Variants in PARP9 observed in about 807,000 individuals in gnomAD.
The protein encoded by PARP9 is poly(ADP-ribose) polymerase family member 9, also known as protein mono-ADP-ribosyltransferase PARP9.
In PARP9, 48 loss-of-function variants were observed where a neutral mutation model predicts 68.8. The observed-to-expected ratio is 0.70, with a 90% CI of 0.55 to 0.89. PARP9 has a LOEUF of 0.89. PARP9 is among the 40% of genes least tolerant of loss of function. The probability of loss-of-function intolerance (pLI) is 0.00; values close to 1 mark genes in which losing one functional copy is unlikely to be tolerated. For missense variants in PARP9, 806 were observed against 969.3 expected, an observed-to-expected ratio of 0.83 and a Z score of 2.24; for synonymous variants, 309 against 333.8, an observed-to-expected ratio of 0.93 and a Z score of 0.81.
rs79265045 is a variant in PARP9, at chr3:122,530,764, C to T, written c.2081-2021G>A. 6.5e-3 allele frequency among the ~76,000 whole-genome samples: 988 copies of T among 152,222 alleles called. 6 individuals carry two copies. Among genetic ancestry groups the T allele is most frequent in the African/African-American group, 0.021 (890 of 41,544 alleles). ...AACAACAGAAACGTACTATGAGTCACACATGTCGTTTAAAACTTCCAGGCT... is the reference window on the plus strand; with the variant it reads ...AACAACAGAAACGTACTATGAGTCATACATGTCGTTTAAAACTTCCAGGCT... On this transcript the variant is annotated intron_variant, in intron 10 of 10. Transcript: ENST00000682323.
chr3:122,555,073 T>C (rs1048912798), intron 4 of PARP9, among the ~76,000 whole-genome samples: 2 of 152,202 alleles, frequency 1.3e-5, no homozygotes, highest in Non-Finnish European at 2.9e-5. Flanking sequence ...CTGGGTATGT[T>C]GCCTAGGCTG....
intron 10 of PARP9, chr3:122,534,078 A>C (rs1277693552): frequency 1.0e-6 from 1 of 984,554 alleles, no homozygotes; most frequent in Non-Finnish European, 1.2e-6. Flanking sequence ...AGTGGCTGTT[A>C]AGCTAAGGGA....
intron 8 of PARP9, among the ~76,000 whole-genome samples, chr3:122,539,521 T>TTCTTTCTC (rs1425982376): frequency 3.2e-5 from 1 of 31,492 alleles, no homozygotes. Context: ...CTTTCTTTCT[T>TTCTTTCTC]TCTTTCTTTC....
At chr3:122,545,767 T>A (rs912889508) in intron 6 of PARP9, 1 of 407,432 alleles carries the variant, frequency 2.5e-6, no homozygotes, top group Non-Finnish European at 4.4e-6. Flanking sequence ...AACCGTGCAT[T>A]CATTCAACAG....
intron 6 of PARP9, among the ~76,000 whole-genome samples, chr3:122,547,639 G>A (rs1184162432): frequency 6.6e-6 from 1 of 151,938 alleles, no homozygotes; most frequent in Non-Finnish European, 1.5e-5. Flanking sequence ...GATTACTTGA[G>A]TCCAGGAGTT....
At chr3:122,564,183 C>G (rs575781011) in intron 1 of PARP9, 62 bp downstream of exon 1, 17 of 494,266 alleles carry the variant, frequency 3.4e-5, no homozygotes, top group African/African-American at 1.6e-4. Flanking sequence ...CCCTTCTCCC[C>G]GCCCACCTCG....
Position 122,536,975 on chromosome 3 carries a change from G to A in PARP9, c.1864C>T (p.Gln622Ter), listed in dbSNP as rs777795115. 1 of 1,613,648 alleles carries A rather than the reference G, an allele frequency of 6.2e-7. No individual in the cohort carries two copies. The highest frequency in any genetic ancestry group is 1.7e-5 in the Admixed American group (1 of 59,936). The change falls in exon 9 of 11, where the codon CAA becomes TAA. Residue 622 changes from glutamine to a stop codon, truncating the protein, a stop_gained. Transcript: ENST00000682323. LOFTEE classifies it high-confidence loss of function. Reference protein sequence around the residue: ...PVPPTQELLDQKKQFEKCGLQ... With the variant: ...PVPPTQELLD ...CCACATTTTTCAAACTGTTTCTTTT[G>A]ATCTAGAAGCTCTTGAGTTGGAGGC... is the stretch of plus-strand genomic sequence containing the variant.
At chr3:122,529,687 G>T (rs1173558518) in intron 10 of PARP9, among the ~76,000 whole-genome samples, 1 of 151,256 alleles carries the variant, frequency 6.6e-6, no homozygotes, top group African/African-American at 2.4e-5. Flanking sequence ...CCGGGAGGCG[G>T]AGCTTGCAGT....
Position 122,540,591 on chromosome 3 carries a change from A to G in PARP9, c.1646T>C (p.Leu549Ser). 6.2e-7 allele frequency: 1 copy of G among 1,614,060 alleles called. No homozygotes were observed. Reference protein sequence around the residue: ...TEIISPGRTELEIEGARADLI... With the variant: ...TEIISPGRTESEIEGARADLI... ...GTCAGCCCGGGCTCCTTCAATCTCT[A>G]ACTCTGTCCTTCCTGGGCTGATAAT... Residue 549 changes from leucine (L) to serine (S), a missense_variant, in exon 8 of 11, where the codon TTA (leucine) becomes TCA (serine). Physicochemically the swap from Leu to Ser is moderately radical, Grantham distance 145 (BLOSUM62 -2). Coordinates refer to ENST00000682323, the MANE Select transcript of PARP9 (RefSeq NM_001146105.2).
At position 122,528,658 on chromosome 3, in the gene PARP9, C is replaced by T. The variant is rs1465039593; in HGVS notation, c.2166G>A (p.Lys722=). ...EKAKKISAAD[K]LIYVFEAEVL... ...CTTCAGCCTCAAACACATAGATCAGCTTATCTGCAGCAGAGATTTTCTTGG... is the reference window on the plus strand; with the variant it reads ...CTTCAGCCTCAAACACATAGATCAGTTTATCTGCAGCAGAGATTTTCTTGG... The change falls in exon 11 of 11, where the codon AAG becomes AAA. Residue 722 remains lysine, a synonymous_variant. Coordinates refer to ENST00000682323, the MANE Select transcript of PARP9 (RefSeq NM_001146105.2). 1 of 1,614,106 alleles carries T rather than the reference C, an allele frequency of 6.2e-7. No homozygotes were observed. Among genetic ancestry groups the T allele is most frequent in the Non-Finnish European group, 8.5e-7 (1 of 1,180,024 alleles).
rs903258362 is a variant in PARP9, at chr3:122,540,971, A to G, written c.1385-119T>C. The G allele has an allele frequency of 2.1e-5, 24 of 1,160,898 alleles. No individual in the cohort carries two copies. In the African/African-American group the frequency reaches 2.2e-4, roughly 10 times the overall value. The allele number at this position is 1,160,898 out of a possible 1,614,324, so 71.9% of individuals were successfully genotyped here. A position where few individuals can be genotyped will look rare whatever the true frequency, so the allele number is the denominator to read the frequency against. On this transcript the variant is annotated intron_variant, in intron 7 of 10. Transcript: ENST00000682323. Reference sequence around the variant, plus strand: ...AGTGCTGCGATCTCAGCTCACTGCAAGCTCCGCCTCCCGGGTTCACGCCAT... The same window carrying G: ...AGTGCTGCGATCTCAGCTCACTGCAGGCTCCGCCTCCCGGGTTCACGCCAT...
intron 9 of PARP9, chr3:122,536,613 GT>G: frequency 1.8e-6 from 1 of 561,762 alleles, no homozygotes; most frequent in Non-Finnish European, 3.0e-6. Flanking sequence ...TAAGCTCATA[GT>G]TTAGTGAGAT....
rs78303880 is a variant in PARP9 at position 122,549,793 on chromosome 3, A to G, written c.1326+791T>C. On this transcript the variant is annotated intron_variant, in intron 6 of 10. Transcript: ENST00000682323. ...AAGATCACATCTGTTTAAAAAAAAAAAGAGAGAGAGAGAGAAGACAAAGAA... is the reference window on the plus strand; with the variant it reads ...AAGATCACATCTGTTTAAAAAAAAAGAGAGAGAGAGAGAGAAGACAAAGAA... Among the ~76,000 whole-genome samples the G allele has an allele frequency of 6.6e-3, 1,006 of 151,966 alleles. 11 individuals are homozygous for G. The highest frequency in any genetic ancestry group is 0.021 in the African/African-American group (883 of 41,480).
upstream of PARP9, chr3:122,564,665 G>A (rs1263982731): frequency 9.7e-6 from 15 of 1,551,642 alleles, no homozygotes; most frequent in Non-Finnish European, 1.3e-5. Flanking sequence ...CCGGCCCCCG[G>A]GTTTCCAGGC....
rs76774523 is a variant in PARP9, at chr3:122,535,835, A to C, written c.2080+333T>G. On this transcript the variant is annotated intron_variant, in intron 10 of 10. Transcript: ENST00000682323. ...CTGTTGGTAATAATTTTGTTGAGAT[A>C]AGTAAGGCAAAAAAAAAAAAAAAAA... The C allele has an allele frequency of 1.4e-3, 1,623 of 1,121,714 alleles. 60 individuals carry two copies. The East Asian group carries it at 0.057, about 39-fold the overall frequency. The allele number at this position is 1,121,714 out of a possible 1,614,324, so 69.5% of individuals were successfully genotyped here. A position where few individuals can be genotyped will look rare whatever the true frequency, so the allele number is the denominator to read the frequency against.
chr3:122,557,276 C>A (rs1190182812), intron 3 of PARP9, among the ~76,000 whole-genome samples: 2 of 151,960 alleles, frequency 1.3e-5, no homozygotes, highest in Non-Finnish European at 2.9e-5. Context: ...TTGATTGAGG[C>A]AGTTCCCTGG....
At position 122,550,779 on chromosome 3, in the gene PARP9, C is replaced by T; in HGVS notation, c.1131G>A (p.Glu377=). 1.2e-6 allele frequency: 2 copies of T among 1,613,914 alleles called. No individual in the cohort carries two copies. Among genetic ancestry groups the T allele is most frequent in the Non-Finnish European group, 8.5e-7 (1 of 1,179,894 alleles). ...KPQILKHAMK[E]CLEKCIEQNI... ...TTTGCTCAATGCATTTTTCCAAACA[C>T]TCCTTCATTGCATGTTTTAATATCT... The change falls in exon 6 of 11, where the codon GAG becomes GAA. Residue 377 remains glutamate (E), a synonymous_variant. Coordinates refer to ENST00000682323, the MANE Select transcript of PARP9 (RefSeq NM_001146105.2).
chr3:122,554,348 T>TTG, intron 4 of PARP9, among the ~76,000 whole-genome samples: 2 of 152,240 alleles, frequency 1.3e-5, no homozygotes, highest in Non-Finnish European at 2.9e-5. Flanking sequence ...AGTATTATTT[T>TTG]TGTTTACTAT....
At chr3:122,547,737 T>C (rs9289195) in intron 6 of PARP9, among the ~76,000 whole-genome samples, 89,868 of 151,722 alleles carry the variant, frequency 0.59, 26,867 homozygotes, top group East Asian at 0.77. Context: ...CCTGTAGGTC[T>C]AACTACTCAG....
Sources: gnomAD v4.1 joint callset for allele counts (sites outside exome capture counted in the v4.1 genomes callset) on GRCh38, gnomAD v4.1.1 for gene constraint, MANE v1.5 for transcripts, NCBI Gene and HGNC (gene_info 2026-07-23, HGNC 2026-07-21) for gene names.